SPOCD1: variants seen among roughly 807,000 people sequenced by gnomAD.
The protein encoded by SPOCD1 is SPOC domain containing 1.
A neutral mutation model predicts 92.2 loss-of-function variants in SPOCD1; 64 were observed. The ratio of observed to expected loss-of-function variants is 0.69; its 90% CI spans 0.57 to 0.86. The LOEUF (loss-of-function observed/expected upper bound fraction) is 0.86. SPOCD1 is among the 40% of genes least tolerant of loss of function. SPOCD1 has a pLI of 0.00. For missense variants in SPOCD1, 1,360 were observed against 1,543.1 expected, an observed-to-expected ratio of 0.88 and a Z score of 1.99; for synonymous variants, 578 against 619.3, an observed-to-expected ratio of 0.93 and a Z score of 0.99.
chr1:31,815,939 C>T (rs1367724539), intron 1 of SPOCD1, 22 bp downstream of exon 1: 1 of 152,382 alleles, frequency 6.6e-6, no homozygotes, highest in Non-Finnish European at 1.5e-5. Context: ...AATCCGGGCC[C>T]CATCGGTCGC....
At position 31,814,304 on chromosome 1, in the gene SPOCD1, C is replaced by G. The variant is rs1330499777; in HGVS notation, c.1030G>C (p.Val344Leu). The G allele has an allele frequency of 1.3e-5, 21 of 1,574,600 alleles. No individual in the cohort carries two copies. The highest frequency in any genetic ancestry group is 1.8e-5 in the Non-Finnish European group (21 of 1,156,554). Residue 344 changes from valine to leucine, a missense_variant, in exon 2 of 16, where the codon GTG becomes CTG. Physicochemically the swap from Val to Leu is conservative, Grantham distance 32 (BLOSUM62 1). Around this residue, in one of 3 missense-constraint regions of SPOCD1, gnomAD observed 606 missense variants for 601.5 expected, o/e 1.01. Transcript: ENST00000360482. The surrounding 1 kb of genome is among the most constrained non-coding windows in gnomAD (Gnocchi z 4.2). ...TCGCTGCCAGTCCGCACGACACACA[C>G]AGCTTCTTGCTGCTCTGCAGAGGCC... ...AQASAEQQEA[V>L]CVVRTGSDEG...
At chr1:31,812,870 C>A (rs1342903318) in intron 2 of SPOCD1, among the ~76,000 whole-genome samples, 1 of 152,188 alleles carries the variant, frequency 6.6e-6, no homozygotes, top group Non-Finnish European at 1.5e-5. Flanking sequence ...CCTCCGTGGA[C>A]GTCGTGTGAA....
rs1207433481 is a variant in SPOCD1, at chr1:31,804,985, C to CTTTTTTTTTTTTTTTTTTTTT, written c.1384-3281_1384-3280insAAAAAAAAAAAAAAAAAAAAA. ...AAATTTCTTTTTTCTTTCTTTCTTT[C>CTTTTTTTTTTTTTTTTTTTTT]TTTTTTTTTTTTTTGAGATGGAGTC... is the stretch of plus-strand genomic sequence containing the variant. On this transcript the variant is annotated intron_variant, in intron 2 of 15. Transcript: ENST00000360482. Among the ~76,000 whole-genome samples the CTTTTTTTTTTTTTTTTTTTTT allele has an allele frequency of 3.2e-4, 34 of 105,914 alleles. 1 individual carries two copies. Among genetic ancestry groups the CTTTTTTTTTTTTTTTTTTTTT allele is most frequent in the East Asian group, 5.9e-4 (2 of 3,372 alleles). The allele number at this position is 105,914 out of a possible 152,430, so 69.5% of individuals were successfully genotyped here.
chr1:31,798,631 T>C lies in SPOCD1; in HGVS notation c.1869-30A>G. 1 of 1,603,990 alleles carries C rather than the reference T, an allele frequency of 6.2e-7. No homozygotes were observed. The highest frequency in any genetic ancestry group is 8.5e-7 in the Non-Finnish European group (1 of 1,176,174). The stretch of plus-strand genomic sequence containing the variant: ...GGAGGCCAGGGCAGGGCGGGGGCAC[T>C]GAGCCCAGGAGGCTCTCCAGGCACT... On this transcript the variant is annotated intron_variant, in intron 7 of 15. Coordinates refer to ENST00000360482, the MANE Select transcript of SPOCD1 (RefSeq NM_144569.7). The surrounding 1 kb of genome is among the most constrained non-coding windows in gnomAD (Gnocchi z 4.1).
chr1:31,794,425 T>A, intron 10 of SPOCD1, 190 bp from the exon 11 acceptor site: 2 of 488,368 alleles, frequency 4.1e-6, no homozygotes, highest in Non-Finnish European at 7.2e-6. Flanking sequence ...AGAAAATCAC[T>A]TCTTGTCACA....
Position 31,800,467 on chromosome 1 carries a change from T to C in SPOCD1, c.1576A>G (p.Met526Val), listed in dbSNP as rs2149106515. ...AQRLRRKKRP[M>V]VQGPAGCQVF... ...TGGCACCCAGCAGGGCCCTGCACCATGGGCCTTTTCTTCCTTCTGAGCCTC... is the reference window on the plus strand; with the variant it reads ...TGGCACCCAGCAGGGCCCTGCACCACGGGCCTTTTCTTCCTTCTGAGCCTC... Residue 526 changes from methionine to valine, a missense_variant, in exon 4 of 16, where the codon ATG becomes GTG. Coordinates refer to ENST00000360482, the MANE Select transcript of SPOCD1 (RefSeq NM_144569.7). 4 of 1,607,844 alleles carry C rather than the reference T, an allele frequency of 2.5e-6. 1 individual carries two copies. The East Asian group carries it at 9.0e-5, about 36-fold the overall frequency.
chr1:31,796,626 C>T lies in SPOCD1; in HGVS notation c.2235G>A (p.Arg745=), dbSNP rs191564106. Residue 745 remains arginine (R), a synonymous_variant, in exon 10 of 16, where the codon CGG becomes CGA. Coordinates refer to ENST00000360482, the MANE Select transcript of SPOCD1 (RefSeq NM_144569.7). ...CCAGGGTCAGTGTCTGGTCCATGTC[C>T]CGCTGAATCTCCACTTCGCCCTTGT... is the stretch of plus-strand genomic sequence containing the variant. ...MTHKGEVEIQ[R]DMDQTLTLED... The T allele has an allele frequency of 9.9e-6, 16 of 1,614,242 alleles. No homozygotes were observed. In the East Asian group the frequency reaches 3.1e-4, roughly 31 times the overall value.
At position 31,794,222 on chromosome 1, in the gene SPOCD1, AACATCTGCGGTCCCTGGGAGGCAGAAG is replaced by A; in HGVS notation, c.2272-14_2284del. ...CAGGGCCTGTGGGCTGCAGTCCATG[AACATCTGCGGTCCCTGGGAGGCAGAAG>A]ACAGAGGGGCAGGCTGAAAACGTGG... On this transcript the variant is annotated splice_acceptor_variant and splice_polypyrimidine_tract_variant and coding_sequence_variant and intron_variant, in exon 11 of 16. Transcript: ENST00000360482. LOFTEE classifies it high-confidence loss of function. 6.2e-7 allele frequency: 1 copy of A among 1,613,028 alleles called. No individual in the cohort carries two copies. The highest frequency in any genetic ancestry group is 8.5e-7 in the Non-Finnish European group (1 of 1,179,210).
chr1:31,791,221 C>A lies in SPOCD1; in HGVS notation c.3033G>T (p.Leu1011=). ...GCCCTTCCTTGGGGAGCAGCACAGC[C>A]AGCAACAGACTTGAGTGAGTGACCT... is the stretch of plus-strand genomic sequence containing the variant. ...GLEVTHSSLL[L]AVLLPKEGLP... The change falls in exon 16 of 16, where the codon CTG becomes CTT. Residue 1011 remains leucine, a synonymous_variant. Coordinates refer to ENST00000360482, the MANE Select transcript of SPOCD1 (RefSeq NM_144569.7). The A allele has an allele frequency of 6.2e-7, 1 of 1,601,608 alleles. No individual in the cohort carries two copies. The highest frequency in any genetic ancestry group is 1.1e-5 in the South Asian group (1 of 89,570).
At chr1:31,809,892 C>T (rs1039705928) in intron 2 of SPOCD1, among the ~76,000 whole-genome samples, 2 of 152,160 alleles carry the variant, frequency 1.3e-5, no homozygotes, top group Non-Finnish European at 2.9e-5. Flanking sequence ...TTCAAGCTGG[C>T]CTCTCCCACC....
chr1:31,790,910 G>A lies in SPOCD1; in HGVS notation c.3344C>T (p.Pro1115Leu). Reference protein sequence around the residue: ...HPGRGQWPPEPGLRQSQHPYS... With the variant: ...HPGRGQWPPELGLRQSQHPYS... ...GGGATGCTGGGACTGGCGCAAGCCT[G>A]GCTCTGGGGGCCACTGCCCTCGCCC... The change falls in exon 16 of 16, where the codon CCA becomes CTA. Residue 1115 changes from proline to leucine, a missense_variant. By Grantham distance (98) the Pro-to-Leu change is moderately conservative. This residue lies in a region of SPOCD1 where 614 missense variants were observed against 757.8 expected (regional missense o/e 0.81). Coordinates refer to ENST00000360482, the MANE Select transcript of SPOCD1 (RefSeq NM_144569.7). The A allele has an allele frequency of 6.3e-7, 1 of 1,583,494 alleles. No homozygotes were observed. The highest frequency in any genetic ancestry group is 1.4e-5 in the African/African-American group (1 of 74,050).
Position 31,790,557 on chromosome 1 carries a change from A to G in SPOCD1, c.*46T>C. 6.6e-7 allele frequency: 1 copy of G among 1,516,622 alleles called. No homozygotes were observed. The highest frequency in any genetic ancestry group is 8.9e-7 in the Non-Finnish European group (1 of 1,118,914). The allele number at this position is 1,516,622 out of a possible 1,614,324, so 93.9% of individuals were successfully genotyped here. A position where few individuals can be genotyped will look rare whatever the true frequency, so the allele number is the denominator to read the frequency against. On this transcript the variant is annotated 3_prime_UTR_variant, in exon 16 of 16. Transcript: ENST00000360482. ...CCACCTCTCTCTGGAACAGGCTTCA[A>G]CACTAGTGAGGGCATCAAAACCCCT...
chr1:31,798,497 C>A lies in SPOCD1; in HGVS notation c.1973G>T (p.Arg658Leu), dbSNP rs1377005936. 1 of 1,613,968 alleles carries A rather than the reference C, an allele frequency of 6.2e-7. No individual in the cohort carries two copies. Among genetic ancestry groups the A allele is most frequent in the African/African-American group, 1.3e-5 (1 of 75,060 alleles). Reference sequence around the variant, plus strand: ...CAGGCTGCGATACTTGGTCTTGTACCGGCCATTGGTGCCTTGTGTCAGGTC... The same window carrying A: ...CAGGCTGCGATACTTGGTCTTGTACAGGCCATTGGTGCCTTGTGTCAGGTC... ...LWDLTQGTNG[R>L]YKTKYRSLLF... The change falls in exon 8 of 16, where the codon CGG (arginine) becomes CTG (leucine). Residue 658 changes from arginine to leucine, a missense_variant. By Grantham distance (102) the Arg-to-Leu change is moderately radical (BLOSUM62 -2). This residue lies in a region of SPOCD1 where 614 missense variants were observed against 757.8 expected (regional missense o/e 0.81). Coordinates refer to ENST00000360482, the MANE Select transcript of SPOCD1 (RefSeq NM_144569.7). This position sits in a 1 kb window ranked among gnomAD's most constrained non-coding sequence, Gnocchi z 4.1.
In SPOCD1 at chr1:31,798,910, C is replaced by G; in HGVS notation, c.1869-309G>C. On this transcript the variant is annotated intron_variant, in intron 7 of 15. Transcript: ENST00000360482. This position sits in a 1 kb window ranked among gnomAD's most constrained non-coding sequence, Gnocchi z 4.1. ...TCACCAGCCTGTGCCCCGTCTCTGG[C>G]TCACGGGATGTGTGGAGGGGAGGAA... 1 of 565,456 alleles carries G rather than the reference C, an allele frequency of 1.8e-6. No homozygotes were observed. Among genetic ancestry groups the G allele is most frequent in the Non-Finnish European group, 3.1e-6 (1 of 320,614 alleles). The allele number at this position is 565,456 out of a possible 1,614,324, so 35.0% of individuals were successfully genotyped here.
intron 1 of SPOCD1, 106 bp from the exon 2 acceptor site, chr1:31,815,478 C>T: frequency 1.3e-6 from 1 of 783,628 alleles, no homozygotes; most frequent in Non-Finnish European, 1.9e-6. Flanking sequence ...CTCCCAGACC[C>T]TTCCACTCCT....
intron 2 of SPOCD1, among the ~76,000 whole-genome samples, chr1:31,804,682 C>T (rs1423850710): frequency 1.1e-5 from 1 of 92,750 alleles, no homozygotes; most frequent in South Asian, 4.2e-4. Flanking sequence ...GAAAAACAAT[C>T]CCAGATAGAT....
In SPOCD1 at chr1:31,814,321, G is replaced by T; in HGVS notation, c.1013C>A (p.Ala338Glu). 1 of 1,576,546 alleles carries T rather than the reference G, an allele frequency of 6.3e-7. No individual in the cohort carries two copies. The highest frequency in any genetic ancestry group is 8.6e-7 in the Non-Finnish European group (1 of 1,157,536). Reference protein sequence around the residue: ...LCLGASAQASAEQQEAVCVVR... With the variant: ...LCLGASAQASEEQQEAVCVVR... Reference sequence around the variant, plus strand: ...GACACACACAGCTTCTTGCTGCTCTGCAGAGGCCTGTGCTGACGCCCCCAG... The same window carrying T: ...GACACACACAGCTTCTTGCTGCTCTTCAGAGGCCTGTGCTGACGCCCCCAG... Residue 338 changes from alanine (A) to glutamate (E), a missense_variant, in exon 2 of 16, where the codon GCA (alanine) becomes GAA (glutamate). This residue lies in a region of SPOCD1 where 606 missense variants were observed against 601.5 expected (regional missense o/e 1.01). Coordinates refer to ENST00000360482, the MANE Select transcript of SPOCD1 (RefSeq NM_144569.7). This position sits in a 1 kb window ranked among gnomAD's most constrained non-coding sequence, Gnocchi z 4.2.
intron 2 of SPOCD1, among the ~76,000 whole-genome samples, chr1:31,813,509 T>C (rs1401740785): frequency 6.6e-6 from 1 of 152,210 alleles, no homozygotes; most frequent in Non-Finnish European, 1.5e-5. Flanking sequence ...GTGATCCGCC[T>C]GCCTCTGCCT....
At chr1:31,799,909 CTT>C in intron 5 of SPOCD1, 46 bp from the exon 6 acceptor site, 1 of 1,613,806 alleles carries the variant, frequency 6.2e-7, no homozygotes, top group Middle Eastern at 1.7e-4. Context: ...GTGGGCCTGG[CTT>C]CCAGCCCAGG....
Sources: allele counts gnomAD v4.1 joint callset (sites outside exome capture counted in the v4.1 genomes callset), GRCh38; gene constraint gnomAD v4.1.1; regional missense constraint gnomAD v4.1.1; non-coding constraint Gnocchi (gnomAD v3.1); transcripts MANE v1.5; gene names NCBI Gene and HGNC (gene_info 2026-07-23, HGNC 2026-07-21).